Variants in KDELR2 observed in about 807,000 individuals in gnomAD.
KDELR2 encodes KDEL endoplasmic reticulum protein retention receptor 2.
Under a neutral mutation model 23.9 loss-of-function variants are expected in KDELR2, and 15 were observed. The ratio of observed to expected loss-of-function variants is 0.63; its 90% CI spans 0.42 to 0.97. The LOEUF is 0.97. KDELR2 is among the 50% of genes least tolerant of loss of function. KDELR2 has a pLI of 0.00. For synonymous variants in KDELR2, 119 were observed against 106.2 expected, an observed-to-expected ratio of 1.12 and a Z score of -0.74; for missense variants, 272 against 254.6, an observed-to-expected ratio of 1.07 and a Z score of -0.46.
intron 1 of KDELR2, among the ~76,000 whole-genome samples, chr7:6,482,118 T>A (rs762878299): frequency 1.3e-5 from 2 of 152,160 alleles, no homozygotes; most frequent in African/African-American, 2.4e-5. Context: ...TTCTCCTGCC[T>A]CAGCCTACCG....
chr7:6,478,591 T>C (rs1441756119), intron 1 of KDELR2, among the ~76,000 whole-genome samples: 15 of 152,268 alleles, frequency 9.9e-5, no homozygotes, highest in Admixed American at 7.2e-4. Flanking sequence ...TATTAACCTT[T>C]TGTCACTTAG....
intron 3 of KDELR2, among the ~76,000 whole-genome samples, chr7:6,468,871 C>T (rs1785561305): frequency 1.3e-5 from 2 of 152,094 alleles, no homozygotes; most frequent in Admixed American, 6.5e-5. Context: ...GAACCTCTGA[C>T]CTCAAGTGAT....
Position 6,469,738 on chromosome 7 carries a change from C to T in KDELR2, c.209G>A (p.Cys70Tyr). The T allele has an allele frequency of 1.2e-6, 2 of 1,612,880 alleles. No individual in the cohort carries two copies. Among genetic ancestry groups the T allele is most frequent in the Middle Eastern group, 1.7e-4 (1 of 6,054 alleles). The stretch of plus-strand genomic sequence containing the variant: ...GATCAGGTACACTGTGGCATAGGAG[C>T]AGGCAAGGTAGATAACCTACAAATA... ...NTSMKVIYLA[C>Y]SYATVYLIYL... The change falls in exon 3 of 5, where the codon TGC becomes TAC. Residue 70 changes from cysteine to tyrosine, a missense_variant. Coordinates refer to ENST00000258739, the MANE Select transcript of KDELR2 (RefSeq NM_006854.4).
intron 2 of KDELR2, among the ~76,000 whole-genome samples, chr7:6,471,176 GTTTTTT>G (rs1161325162): frequency 4.1e-5 from 3 of 72,568 alleles, no homozygotes; most frequent in African/African-American, 5.1e-5. Context: ...ATTTGTTTCG[GTTTTTT>G]TTTTTTTTTT....
intron 1 of KDELR2, among the ~76,000 whole-genome samples, chr7:6,481,579 G>A (rs376648500): frequency 2.6e-5 from 4 of 152,020 alleles, no homozygotes; most frequent in African/African-American, 4.8e-5. Flanking sequence ...TAACATCGCC[G>A]GGCACTGTGG....
intron 3 of KDELR2, among the ~76,000 whole-genome samples, chr7:6,469,363 C>A (rs1422281240): frequency 6.6e-6 from 1 of 152,186 alleles, no homozygotes; most frequent in African/African-American, 2.4e-5. Flanking sequence ...TCAAGTGATT[C>A]TCCTGCCTCA....
chr7:6,469,726 G>A lies in KDELR2; in HGVS notation c.221C>T (p.Thr74Ile), dbSNP rs1326366443. The A allele has an allele frequency of 1.2e-6, 2 of 1,614,058 alleles. No individual in the cohort carries two copies. Among genetic ancestry groups the A allele is most frequent in the Non-Finnish European group, 1.7e-6 (2 of 1,179,968 alleles). The change falls in exon 3 of 5, where the codon ACA becomes ATA. Residue 74 changes from threonine (T) to isoleucine (I), a missense_variant. Coordinates refer to ENST00000258739, the MANE Select transcript of KDELR2 (RefSeq NM_006854.4). ...AAATTTCAGGTAGATCAGGTACACTGTGGCATAGGAGCAGGCAAGGTAGAT... is the reference window on the plus strand; with the variant it reads ...AAATTTCAGGTAGATCAGGTACACTATGGCATAGGAGCAGGCAAGGTAGAT... ...KVIYLACSYA[T>I]VYLIYLKFKA...
chr7:6,469,368 G>A (rs562011366), intron 3 of KDELR2, among the ~76,000 whole-genome samples: 2 of 152,246 alleles, frequency 1.3e-5, no homozygotes, highest in South Asian at 2.1e-4. Context: ...TGATTCTCCT[G>A]CCTCAGCCTT....
chr7:6,479,758 T>C (rs1785847998), intron 1 of KDELR2, among the ~76,000 whole-genome samples: 1 of 152,214 alleles, frequency 6.6e-6, no homozygotes, highest in Non-Finnish European at 1.5e-5. Flanking sequence ...ATTACAGGCG[T>C]GAGCCACCAC....
At chr7:6,471,275 A>G (rs1195681291) in intron 2 of KDELR2, among the ~76,000 whole-genome samples, 8 of 122,134 alleles carry the variant, frequency 6.6e-5, no homozygotes, top group African/African-American at 2.2e-4. Context: ...TCCGCCTCCC[A>G]GGTTCAAGCG....
intron 1 of KDELR2, among the ~76,000 whole-genome samples, 183 bp downstream of exon 1, chr7:6,483,784 C>T (rs1217051660): frequency 2.0e-5 from 3 of 152,064 alleles, no homozygotes; most frequent in Admixed American, 1.3e-4. Flanking sequence ...ACACCCGGCC[C>T]GGAGCCCACC....
At position 6,462,249 on chromosome 7, in the gene KDELR2, C is replaced by G. The variant is rs1785405065; in HGVS notation, c.*892G>C. On this transcript the variant is annotated 3_prime_UTR_variant, in exon 5 of 5. Coordinates refer to ENST00000258739, the MANE Select transcript of KDELR2 (RefSeq NM_006854.4). Reference sequence around the variant, plus strand: ...AAGTGATATGGAAAACTGTTTGAATCTGAGCATGGACATGGTTGTAGTCAT... The same window carrying G: ...AAGTGATATGGAAAACTGTTTGAATGTGAGCATGGACATGGTTGTAGTCAT... 6.6e-6 allele frequency: 1 copy of G among 152,112 alleles called. No individual in the cohort carries two copies. The highest frequency in any genetic ancestry group is 1.5e-5 in the Non-Finnish European group (1 of 68,032). The allele number at this position is 152,112 out of a possible 1,614,324, so 9.4% of individuals were successfully genotyped here.
At chr7:6,476,249 C>G (rs1253723923) in intron 1 of KDELR2, among the ~76,000 whole-genome samples, 2 of 152,206 alleles carry the variant, frequency 1.3e-5, no homozygotes, top group East Asian at 3.8e-4. Flanking sequence ...TGATGCCACC[C>G]TTCCAGATCC....
chr7:6,479,102 T>C (rs762178796), intron 1 of KDELR2, among the ~76,000 whole-genome samples: 2 of 151,894 alleles, frequency 1.3e-5, no homozygotes, highest in Non-Finnish European at 2.9e-5. Context: ...TTTTGTACAT[T>C]TTCCTATCAT....
chr7:6,473,978 T>C (rs1785704783), intron 2 of KDELR2: 1 of 418,498 alleles, frequency 2.4e-6, no homozygotes, highest in African/African-American at 2.0e-5. Flanking sequence ...AACTACTGTT[T>C]TGAAACCAAA....
intron 2 of KDELR2, among the ~76,000 whole-genome samples, chr7:6,471,176 G>T (rs1402770537): frequency 0.012 from 887 of 72,742 alleles, 23 homozygotes; most frequent in African/African-American, 0.042. Context: ...ATTTGTTTCG[G>T]TTTTTTTTTT....
chr7:6,483,187 G>A, intron 1 of KDELR2, among the ~76,000 whole-genome samples: 1 of 152,164 alleles, frequency 6.6e-6, no homozygotes, highest in African/African-American at 2.4e-5. Context: ...GCAACGAATT[G>A]CAGGAGCCCA....
intron 1 of KDELR2, 22 bp from the exon 2 acceptor site, chr7:6,474,306 A>G: frequency 1.3e-6 from 2 of 1,518,494 alleles, no homozygotes; most frequent in Non-Finnish European, 9.1e-7. Context: ...GAAGGGAAGT[A>G]TTAGAAGGGC....
At chr7:6,466,464 G>A in intron 3 of KDELR2, 141 bp from the exon 4 acceptor site, 1 of 976,436 alleles carries the variant, frequency 1.0e-6, no homozygotes, top group Non-Finnish European at 1.5e-6. Context: ...ACAACAGCTT[G>A]GCAACTGCAT....
Sources: gnomAD v4.1 joint callset for allele counts (sites outside exome capture counted in the v4.1 genomes callset) on GRCh38, gnomAD v4.1.1 for gene constraint, MANE v1.5 for transcripts, NCBI Gene and HGNC (gene_info 2026-07-23, HGNC 2026-07-21) for gene names.